The following P3H4 variants were observed in gnomAD, a reference collection of about 807,000 sequenced individuals.
P3H4 encodes endoplasmic reticulum protein SC65.
Under a neutral mutation model 52.9 loss-of-function variants are expected in P3H4, and 47 were observed. The ratio of observed to expected loss-of-function variants is 0.89; its 90% CI spans 0.70 to 1.13. The LOEUF (loss-of-function observed/expected upper bound fraction) is 1.13, where lower values mean the gene tolerates loss of function less well. Ranked by LOEUF, P3H4 falls within the 50% of genes most tolerant of loss-of-function variation. The pLI is 0.00. For synonymous variants in P3H4, 256 were observed against 267.9 expected, an observed-to-expected ratio of 0.96 and a Z score of 0.44; for missense variants, 585 against 611.0, an observed-to-expected ratio of 0.96 and a Z score of 0.45.
In P3H4 at chr17:41,810,988, C is replaced by A. The variant is rs375223765; in HGVS notation, c.662G>T (p.Arg221Leu). ...AVKLYNSGDF[R>L]SSTEDMERAL... is the part of the protein sequence containing the mutation. Reference sequence around the variant, plus strand: ...CCGCTCCATGTCCTCCGTGCTGCTGCGGAAATCCCCGCTGTTGTAGAGCTT... The same window carrying A: ...CCGCTCCATGTCCTCCGTGCTGCTGAGGAAATCCCCGCTGTTGTAGAGCTT... Residue 221 changes from arginine to leucine, a missense_variant, in exon 3 of 8, where the codon CGC becomes CTC. Transcript: ENST00000393928. 6.8e-6 allele frequency: 11 copies of A among 1,614,054 alleles called. No individual in the cohort carries two copies. Among genetic ancestry groups the A allele is most frequent in the Non-Finnish European group, 8.5e-6 (10 of 1,180,036 alleles).
In P3H4 at chr17:41,802,910, A is replaced by G. The variant is rs921674268; in HGVS notation, c.*47T>C. 6 of 1,597,098 alleles carry G rather than the reference A, an allele frequency of 3.8e-6. No homozygotes were observed. The African/African-American group carries it at 4.0e-5, about 11-fold the overall frequency. ...TGCCCAGGCTGGTGAGGGTGGGGCC[A>G]TCGGCACCAGGCTTCCCAAGCTTGA... is the stretch of plus-strand genomic sequence containing the variant. On this transcript the variant is annotated 3_prime_UTR_variant, in exon 8 of 8. Transcript: ENST00000393928.
In P3H4 at chr17:41,811,720, G is replaced by A. The variant is rs781997464; in HGVS notation, c.196C>T (p.His66Tyr). The A allele has an allele frequency of 1.1e-5, 16 of 1,501,230 alleles. No homozygotes were observed. Among genetic ancestry groups the A allele is most frequent in the African/African-American group, 1.4e-5 (1 of 69,020 alleles). 93.0% of individuals were successfully genotyped at this position (1,501,230 alleles called of 1,614,324 possible). The change falls in exon 1 of 8, where the codon CAC becomes TAC. Residue 66 changes from histidine to tyrosine, a missense_variant. His to Tyr is a moderately conservative substitution (Grantham distance 83). Transcript: ENST00000393928. The surrounding 1 kb of genome is among the most constrained non-coding windows in gnomAD (Gnocchi z 4.8). ...GCCTCGCTGTCGCGCAGGAGCCGGT[G>A]CAGCCGCAGCGCCGCCTCCAGGTAG... ...ARYLEAALRL[H>Y]RLLRDSEAFC...
Sources: gnomAD v4.1 joint callset for allele counts on GRCh38, gnomAD v4.1.1 for gene constraint, Gnocchi (gnomAD v3.1) non-coding constraint, MANE v1.5 for transcripts, NCBI Gene and HGNC (gene_info 2026-07-23, HGNC 2026-07-21) for gene names.